The following LRP1B variants were observed in gnomAD, a reference collection of about 807,000 sequenced individuals.
LRP1B encodes the protein low-density lipoprotein receptor-related protein 1B.
LRP1B carries 217 observed loss-of-function variants against 556.6 expected under a neutral mutation model. The observed-to-expected ratio is 0.39, with a 90% CI of 0.35 to 0.44. The LOEUF (loss-of-function observed/expected upper bound fraction) is 0.44, where lower values mean the gene tolerates loss of function less well. Ranked by LOEUF, LRP1B falls within the 20% of genes least tolerant of loss-of-function variation. LRP1B has a pLI of 1.00. For missense variants in LRP1B, 5,053 were observed against 5,620.8 expected (o/e 0.90, Z 3.23); for synonymous variants, 2,047 against 1,865.8 (o/e 1.10, Z -2.50).
intron 7 of LRP1B, among the ~76,000 whole-genome samples, chr2:141,067,046 AT>A (rs1332137270): frequency 6.6e-6 from 1 of 151,868 alleles, no homozygotes; most frequent in Non-Finnish European, 1.5e-5. Context: ...TAGGAACTTT[AT>A]TTTTTTCTTG....
At chr2:140,413,893 TC>T (rs1685068007) in intron 66 of LRP1B, among the ~76,000 whole-genome samples, 1 of 151,930 alleles carries the variant, frequency 6.6e-6, no homozygotes, top group Non-Finnish European at 1.5e-5. Flanking sequence ...ATAGTTCATA[TC>T]TTTTTTTCCA....
chr2:141,266,972 C>T (rs1316109387), intron 3 of LRP1B, among the ~76,000 whole-genome samples: 11 of 152,130 alleles, frequency 7.2e-5, no homozygotes, highest in East Asian at 5.8e-4. Flanking sequence ...GAGAAGATAA[C>T]GTAAAGCAAA....
Position 140,457,614 on chromosome 2 carries a change from T to C in LRP1B, c.9663A>G (p.Thr3221=). The change falls in exon 61 of 91, where the codon ACA becomes ACG. Residue 3221 remains threonine (T), a synonymous_variant. Transcript: ENST00000389484. ...NQDIPGVIAL[T]LFEDYIYWTD... ...TCCAGTAGATGTAGTCTTCAAACAA[T>C]GTTAGTGCAATCACCCCTGGAATAT... 5.0e-6 allele frequency: 8 copies of C among 1,613,726 alleles called. No individual in the cohort carries two copies. The highest frequency in any genetic ancestry group is 6.8e-6 in the Non-Finnish European group (8 of 1,179,688).
chr2:141,061,762 AC>A (rs1325134731), intron 8 of LRP1B, among the ~76,000 whole-genome samples: 1 of 151,696 alleles, frequency 6.6e-6, no homozygotes, highest in Admixed American at 6.6e-5. Flanking sequence ...CTATTTTAAT[AC>A]TTTTCTTTCT....
chr2:141,555,230 T>C (rs780399544), intron 2 of LRP1B, among the ~76,000 whole-genome samples: 1 of 151,938 alleles, frequency 6.6e-6, no homozygotes, highest in Non-Finnish European at 1.5e-5. Flanking sequence ...AACAAGGAGC[T>C]GGTGAGGCAC....
intron 12 of LRP1B, among the ~76,000 whole-genome samples, chr2:141,017,248 ATAAAT>A (rs1237365672): frequency 1.3e-5 from 2 of 152,042 alleles, no homozygotes; most frequent in Non-Finnish European, 2.9e-5. Context: ...CATCAGCTAT[ATAAAT>A]TAACTATATA....
intron 15 of LRP1B, among the ~76,000 whole-genome samples, chr2:140,996,403 G>A (rs896108627): frequency 6.6e-6 from 1 of 151,978 alleles, no homozygotes; most frequent in Non-Finnish European, 1.5e-5. Flanking sequence ...TAAGACAGCA[G>A]CTTAGAAGTT....
At chr2:140,817,712 TTA>T (rs1056765926) in intron 31 of LRP1B, among the ~76,000 whole-genome samples, 2 of 152,138 alleles carry the variant, frequency 1.3e-5, no homozygotes, top group Non-Finnish European at 2.9e-5. Flanking sequence ...GCAGTTCATT[TTA>T]TGTGTCTCAT....
At chr2:140,296,833 CA>C (rs1336354793) in intron 84 of LRP1B, among the ~76,000 whole-genome samples, 5 of 151,982 alleles carry the variant, frequency 3.3e-5, no homozygotes, top group African/African-American at 1.2e-4. Flanking sequence ...ACAGCAAAGA[CA>C]AAAACCTGAC....
At chr2:141,205,918 C>CCGTT (rs1682256322) in intron 6 of LRP1B, among the ~76,000 whole-genome samples, 1 of 151,996 alleles carries the variant, frequency 6.6e-6, no homozygotes, top group African/African-American at 2.4e-5. Flanking sequence ...CAGATGTGAC[C>CCGTT]CGTTCTTTGA....
At chr2:140,463,637 T>A (rs1687414340) in intron 60 of LRP1B, among the ~76,000 whole-genome samples, 1 of 152,228 alleles carries the variant, frequency 6.6e-6, no homozygotes, top group African/African-American at 2.4e-5. Flanking sequence ...CCAACTGTTA[T>A]GATAGAATAT....
intron 7 of LRP1B, among the ~76,000 whole-genome samples, chr2:141,068,146 T>C (rs1053948488): frequency 4.6e-5 from 7 of 151,922 alleles, no homozygotes; most frequent in African/African-American, 1.4e-4. Flanking sequence ...TTCAGAAAAA[T>C]TGTGTTCTAA....
At chr2:141,791,590 T>A (rs1305178470) in intron 2 of LRP1B, among the ~76,000 whole-genome samples, 1 of 152,072 alleles carries the variant, frequency 6.6e-6, no homozygotes, top group African/African-American at 2.4e-5. Flanking sequence ...TATCTTCATT[T>A]TAATTTGGCA....
chr2:140,529,728 T>A (rs1690604398), intron 47 of LRP1B, among the ~76,000 whole-genome samples: 1 of 152,010 alleles, frequency 6.6e-6, no homozygotes, highest in Admixed American at 6.6e-5. Context: ...GCCCAAAGAA[T>A]TTCATGTACT....
intron 25 of LRP1B, among the ~76,000 whole-genome samples, chr2:140,880,264 A>C (rs754020556): frequency 1.3e-5 from 2 of 152,192 alleles, no homozygotes; most frequent in Non-Finnish European, 2.9e-5. Flanking sequence ...AGGCAATGAA[A>C]GTTCAAGAAC....
intron 2 of LRP1B, among the ~76,000 whole-genome samples, chr2:141,704,844 C>T (rs940106462): frequency 6.6e-6 from 1 of 151,926 alleles, no homozygotes; most frequent in Non-Finnish European, 1.5e-5. Context: ...ATATGAGCTC[C>T]AAATCCCTAG....
chr2:140,987,003 T>C (rs1389931002), intron 17 of LRP1B, among the ~76,000 whole-genome samples: 2 of 152,174 alleles, frequency 1.3e-5, no homozygotes, highest in Non-Finnish European at 2.9e-5. Flanking sequence ...TATTCACTTA[T>C]ATCTAGCAAT....
intron 3 of LRP1B, among the ~76,000 whole-genome samples, chr2:141,427,720 C>A (rs1680420565): frequency 6.6e-6 from 1 of 151,796 alleles, no homozygotes; most frequent in South Asian, 2.1e-4. Flanking sequence ...TTAATTGTTT[C>A]TCAAATTAGC....
chr2:141,948,014 T>C lies in LRP1B; in HGVS notation c.83-137613A>G, dbSNP rs535536644. Among the ~76,000 whole-genome samples the C allele has an allele frequency of 3.3e-5, 5 of 152,014 alleles. No homozygotes were observed. The South Asian group carries it at 6.2e-4, about 19-fold the overall frequency. On this transcript the variant is annotated intron_variant, in intron 1 of 90. Coordinates refer to ENST00000389484, the MANE Select transcript of LRP1B (RefSeq NM_018557.3). The stretch of plus-strand genomic sequence containing the variant: ...TCTCATTTATAAAAAAGTATGATGA[T>C]AGGCCAGGCACAGTGGCTCACATCT...
Sources: allele counts gnomAD v4.1 joint callset (sites outside exome capture counted in the v4.1 genomes callset), GRCh38; gene constraint gnomAD v4.1.1; transcripts MANE v1.5; gene names NCBI Gene and HGNC (gene_info 2026-07-23, HGNC 2026-07-21).